SDK1: variants seen among roughly 807,000 people sequenced by gnomAD.
SDK1 encodes protein sidekick-1.
In SDK1, 157 loss-of-function variants were observed where a neutral mutation model predicts 245.5. That is an observed-to-expected ratio of 0.64 (90% CI 0.56 to 0.73). SDK1 has a LOEUF of 0.73. SDK1 is among the 30% of genes least tolerant of loss of function. The pLI is 0.00. For synonymous variants in SDK1, 1,647 were observed against 1,278.5 expected (o/e 1.29, Z -6.15); for missense variants, 3,583 against 3,002.3 (o/e 1.19, Z -4.52).
chr7:3,738,014 G>A (rs1256307475), intron 4 of SDK1, among the ~76,000 whole-genome samples: 1 of 152,182 alleles, frequency 6.6e-6, no homozygotes, highest in Non-Finnish European at 1.5e-5. Flanking sequence ...TCTATAGATA[G>A]TTTTGCTAGT....
chr7:3,485,363 C>A (rs13242602), intron 1 of SDK1, among the ~76,000 whole-genome samples: 1 of 151,974 alleles, frequency 6.6e-6, no homozygotes, highest in South Asian at 2.1e-4. Flanking sequence ...TGCTTATTTG[C>A]GATTGAGTTG....
At chr7:3,771,378 T>C (rs10155952) in intron 4 of SDK1, among the ~76,000 whole-genome samples, 17 of 152,168 alleles carry the variant, frequency 1.1e-4, no homozygotes, top group African/African-American at 4.1e-4. Flanking sequence ...ACGTGCTTCC[T>C]GAAGGCAGGA....
At chr7:3,676,069 G>C (rs537045022) in intron 4 of SDK1, among the ~76,000 whole-genome samples, 1 of 152,098 alleles carries the variant, frequency 6.6e-6, no homozygotes, top group Admixed American at 6.6e-5. Context: ...AGGCTCAAGC[G>C]ATTCTTCCAC....
At chr7:3,474,716 G>A (rs1242712524) in intron 1 of SDK1, among the ~76,000 whole-genome samples, 2 of 151,872 alleles carry the variant, frequency 1.3e-5, no homozygotes, top group African/African-American at 4.8e-5. Context: ...TTTGAGACAG[G>A]GTCTTACTCT....
At position 3,773,083 on chromosome 7, in the gene SDK1, T is replaced by G. The variant is rs116270771; in HGVS notation, c.714-48367T>G. Reference sequence around the variant, plus strand: ...TCTTAGATGTTTGTATTCACATCTTTCCTCAAATTTGGGAAGTTTTCAGCC... The same window carrying G: ...TCTTAGATGTTTGTATTCACATCTTGCCTCAAATTTGGGAAGTTTTCAGCC... On this transcript the variant is annotated intron_variant, in intron 4 of 44. Coordinates refer to ENST00000404826, the MANE Select transcript of SDK1 (RefSeq NM_152744.4). 5.8e-3 allele frequency among the ~76,000 whole-genome samples: 879 copies of G among 152,336 alleles called. 6 individuals are homozygous for G. Among genetic ancestry groups the G allele is most frequent in the African/African-American group, 0.02 (823 of 41,584 alleles).
At chr7:3,382,528 A>G (rs1781513721) in intron 1 of SDK1, among the ~76,000 whole-genome samples, 1 of 152,206 alleles carries the variant, frequency 6.6e-6, no homozygotes, top group Admixed American at 6.5e-5. Flanking sequence ...TGGACTGCTT[A>G]CTTGGTGCCA....
At chr7:3,313,715 A>G (rs982619607) in intron 1 of SDK1, among the ~76,000 whole-genome samples, 2 of 152,206 alleles carry the variant, frequency 1.3e-5, no homozygotes, top group Non-Finnish European at 2.9e-5. Context: ...AATTTCATTT[A>G]GAAGGAATAA....
intron 1 of SDK1, among the ~76,000 whole-genome samples, chr7:3,377,590 G>T (rs1156466133): frequency 1.3e-5 from 2 of 151,998 alleles, no homozygotes; most frequent in Non-Finnish European, 2.9e-5. Flanking sequence ...CCGTCTCTGT[G>T]TCTGTTGTAA....
At chr7:3,946,615 C>A (rs1432151899) in intron 5 of SDK1, among the ~76,000 whole-genome samples, 1 of 152,028 alleles carries the variant, frequency 6.6e-6, no homozygotes, top group Non-Finnish European at 1.5e-5. Flanking sequence ...CTAAGCCTGG[C>A]CAAAAATCAT....
At chr7:3,418,646 G>T (rs1419600733) in intron 1 of SDK1, among the ~76,000 whole-genome samples, 1 of 152,172 alleles carries the variant, frequency 6.6e-6, no homozygotes, top group Admixed American at 6.5e-5. Context: ...AACTGGCCTT[G>T]TGAAGGTATT....
chr7:3,429,464 T>C (rs1192211988), intron 1 of SDK1, among the ~76,000 whole-genome samples: 2 of 152,138 alleles, frequency 1.3e-5, no homozygotes, highest in African/African-American at 4.8e-5. Flanking sequence ...ACCCAAACAT[T>C]ATGAAAAGAA....
At chr7:4,087,024 C>T (rs566779281) in intron 22 of SDK1, among the ~76,000 whole-genome samples, 85 of 139,062 alleles carry the variant, frequency 6.1e-4, no homozygotes, top group African/African-American at 2.4e-3. Flanking sequence ...ATATTTTTTG[C>T]CATGCAAAAA....
intron 4 of SDK1, among the ~76,000 whole-genome samples, chr7:3,752,568 G>C (rs759340637): frequency 1.3e-5 from 2 of 152,156 alleles, no homozygotes; most frequent in Non-Finnish European, 2.9e-5. Context: ...TGCCTTTAAA[G>C]ACAACATTTA....
intron 1 of SDK1, among the ~76,000 whole-genome samples, chr7:3,481,648 G>A (rs1781526553): frequency 6.6e-6 from 1 of 152,140 alleles, no homozygotes; most frequent in Admixed American, 6.5e-5. Flanking sequence ...AGGGCTCACT[G>A]TGTCCCTTGG....
intron 1 of SDK1, among the ~76,000 whole-genome samples, chr7:3,504,208 G>GTGTGTA (rs1399399507): frequency 6.6e-6 from 1 of 151,252 alleles, no homozygotes; most frequent in East Asian, 1.9e-4. Context: ...GTGTGTGTGT[G>GTGTGTA]TGTGTAGATA....
intron 4 of SDK1, among the ~76,000 whole-genome samples, chr7:3,714,822 TGTAA>T (rs1251728732): frequency 6.6e-6 from 1 of 152,160 alleles, no homozygotes; most frequent in Non-Finnish European, 1.5e-5. Flanking sequence ...TCATTTTGTG[TGTAA>T]GTGTCAAGCT....
At chr7:4,082,396 A>G (rs1410841090) in intron 22 of SDK1, among the ~76,000 whole-genome samples, 2 of 152,000 alleles carry the variant, frequency 1.3e-5, no homozygotes, top group African/African-American at 4.8e-5. Context: ...TTAGCCAGGC[A>G]TGGTGGCGCA....
At chr7:3,483,294 T>A (rs1360163253) in intron 1 of SDK1, among the ~76,000 whole-genome samples, 1 of 152,232 alleles carries the variant, frequency 6.6e-6, no homozygotes, top group Non-Finnish European at 1.5e-5. Context: ...TTTATAGTTG[T>A]CTTCATAAAG....
chr7:3,577,475 C>A (rs539207628), intron 1 of SDK1, among the ~76,000 whole-genome samples: 4 of 151,940 alleles, frequency 2.6e-5, no homozygotes, highest in African/African-American at 9.7e-5. Context: ...GCTTTCATGC[C>A]CTACAGGATG....
Sources: allele counts gnomAD v4.1 joint callset (sites outside exome capture counted in the v4.1 genomes callset), GRCh38; gene constraint gnomAD v4.1.1; transcripts MANE v1.5; gene names NCBI Gene and HGNC (gene_info 2026-07-23, HGNC 2026-07-21).